Variants in NRG1 observed in about 807,000 individuals in gnomAD.
NRG1 encodes the protein neuregulin 1.
A neutral mutation model predicts 63.8 loss-of-function variants in NRG1; 18 were observed. That is an observed-to-expected ratio of 0.28 (90% CI 0.19 to 0.42). The LOEUF is 0.42. Ranked by LOEUF, NRG1 falls within the 10% of genes least tolerant of loss-of-function variation. The probability of loss-of-function intolerance (pLI) is 1.00; values close to 1 mark genes in which losing one functional copy is unlikely to be tolerated. For missense variants in NRG1, 762 were observed against 814.7 expected, an observed-to-expected ratio of 0.94 and a Z score of 0.79; for synonymous variants, 302 against 301.3, an observed-to-expected ratio of 1.00 and a Z score of -0.02.
chr8:32,079,970 T>G (rs1827196127), intron 1 of NRG1, among the ~76,000 whole-genome samples: 1 of 152,114 alleles, frequency 6.6e-6, no homozygotes, highest in Non-Finnish European at 1.5e-5. Context: ...AAGTATTTGT[T>G]TTAATAAAGT....
intron 1 of NRG1, among the ~76,000 whole-genome samples, chr8:31,889,768 G>C (rs1831004386): frequency 6.6e-6 from 1 of 152,184 alleles, no homozygotes; most frequent in South Asian, 2.1e-4. Flanking sequence ...CCAAGTGTGT[G>C]GGCTGGCGAC....
chr8:32,080,279 G>T (rs920283852), intron 1 of NRG1, among the ~76,000 whole-genome samples: 8 of 152,148 alleles, frequency 5.3e-5, no homozygotes, highest in African/African-American at 1.9e-4. Context: ...AATGCAAGGT[G>T]TAAGAACATG....
At chr8:31,732,591 A>G (rs1274255972) in intron 1 of NRG1, among the ~76,000 whole-genome samples, 1 of 152,152 alleles carries the variant, frequency 6.6e-6, no homozygotes, top group African/African-American at 2.4e-5. Context: ...GGTAGTTACC[A>G]TCCAAATAAC....
intron 5 of NRG1, among the ~76,000 whole-genome samples, chr8:32,719,027 T>C (rs28547336): frequency 0.19 from 28,591 of 152,038 alleles, 2,892 homozygotes; most frequent in Non-Finnish European, 0.22. Flanking sequence ...GATTAGAACT[T>C]TTAAGAGCAA....
At chr8:32,132,852 C>T (rs1398709224) in intron 1 of NRG1, among the ~76,000 whole-genome samples, 6 of 152,020 alleles carry the variant, frequency 3.9e-5, no homozygotes, top group Non-Finnish European at 5.9e-5. Flanking sequence ...TTTAATCATC[C>T]ATCTTTGCAG....
At chr8:32,092,709 T>G (rs1829359039) in intron 1 of NRG1, among the ~76,000 whole-genome samples, 1 of 152,032 alleles carries the variant, frequency 6.6e-6, no homozygotes, top group African/African-American at 2.4e-5. Flanking sequence ...GCAGCAGGTG[T>G]GGCAGTGCAC....
At chr8:32,245,854 C>T (rs1331600742) in intron 1 of NRG1, among the ~76,000 whole-genome samples, 2 of 152,066 alleles carry the variant, frequency 1.3e-5, no homozygotes, top group African/African-American at 2.4e-5. Context: ...AAGAACTCAC[C>T]AACAGATTTA....
intron 1 of NRG1, among the ~76,000 whole-genome samples, chr8:31,999,371 A>G (rs556186416): frequency 2.0e-5 from 3 of 152,010 alleles, no homozygotes; most frequent in Non-Finnish European, 4.4e-5. Context: ...TCTTCTCTAT[A>G]AAGTTTCTTG....
At chr8:32,578,727 A>G (rs1019857388) in intron 1 of NRG1, among the ~76,000 whole-genome samples, 1 of 152,192 alleles carries the variant, frequency 6.6e-6, no homozygotes, top group Non-Finnish European at 1.5e-5. Context: ...TAATTGTTCA[A>G]TAGATTTGCT....
chr8:32,179,972 C>T (rs192385384), intron 1 of NRG1, among the ~76,000 whole-genome samples: 10 of 152,204 alleles, frequency 6.6e-5, no homozygotes, highest in Admixed American at 4.6e-4. Flanking sequence ...ACAAATCAGC[C>T]TCCATTCTAA....
At chr8:32,586,769 A>G (rs1285571932) in intron 1 of NRG1, among the ~76,000 whole-genome samples, 1 of 152,180 alleles carries the variant, frequency 6.6e-6, no homozygotes, top group African/African-American at 2.4e-5. Flanking sequence ...TGAAATACAC[A>G]CCAGAACTGT....
chr8:32,664,872 C>T (rs187396391), intron 5 of NRG1, among the ~76,000 whole-genome samples: 60 of 152,230 alleles, frequency 3.9e-4, no homozygotes, highest in Middle Eastern at 3.4e-3. Flanking sequence ...TTGGGTTCTC[C>T]TAAGTCTTTA....
At chr8:32,621,270 G>GT (rs958008841) in intron 5 of NRG1, among the ~76,000 whole-genome samples, 1 of 151,686 alleles carries the variant, frequency 6.6e-6, no homozygotes, top group Admixed American at 6.6e-5. Context: ...ATTTTCTTTT[G>GT]TTTTTTGTAA....
At chr8:32,076,771 C>T (rs888027089) in intron 1 of NRG1, among the ~76,000 whole-genome samples, 11 of 151,248 alleles carry the variant, frequency 7.3e-5, no homozygotes, top group East Asian at 1.9e-4. Flanking sequence ...GGTACAACCA[C>T]GTGAATGATT....
At chr8:31,670,308 G>A (rs1806993038) in intron 1 of NRG1, among the ~76,000 whole-genome samples, 1 of 152,038 alleles carries the variant, frequency 6.6e-6, no homozygotes, top group Admixed American at 6.6e-5. Context: ...TTTGTTCACT[G>A]GCCCCTCCTC....
At chr8:32,554,097 C>T (rs572132025) in intron 1 of NRG1, among the ~76,000 whole-genome samples, 2 of 152,220 alleles carry the variant, frequency 1.3e-5, no homozygotes, top group East Asian at 1.9e-4. Flanking sequence ...GAATGAACTT[C>T]TGGTAGTTTA....
chr8:32,262,651 G>A (rs551341638), intron 1 of NRG1, among the ~76,000 whole-genome samples: 1 of 152,138 alleles, frequency 6.6e-6, no homozygotes, highest in Admixed American at 6.5e-5. Flanking sequence ...ATTACCTTAA[G>A]TTTAATAGAA....
chr8:32,722,247 A>G (rs1486940996), intron 5 of NRG1, among the ~76,000 whole-genome samples: 2 of 151,888 alleles, frequency 1.3e-5, no homozygotes, highest in East Asian at 2.0e-4. Context: ...TTTGTGAGGT[A>G]TATATACACT....
intron 1 of NRG1, among the ~76,000 whole-genome samples, chr8:32,275,603 G>A (rs1852011338): frequency 6.6e-6 from 1 of 152,134 alleles, no homozygotes; most frequent in African/African-American, 2.4e-5. Flanking sequence ...GTCCACAAGA[G>A]CCCCAATTAA....
Sources: gnomAD v4.1 joint callset for allele counts (sites outside exome capture counted in the v4.1 genomes callset) on GRCh38, gnomAD v4.1.1 for gene constraint, MANE v1.5 for transcripts, NCBI Gene and HGNC (gene_info 2026-07-23, HGNC 2026-07-21) for gene names.